SORCS2: variants seen among roughly 807,000 people sequenced by gnomAD.
SORCS2 encodes the protein sortilin related VPS10 domain containing receptor 2.
Under a neutral mutation model 141.6 loss-of-function variants are expected in SORCS2, and 100 were observed. The observed-to-expected ratio is 0.71, with a 90% CI of 0.60 to 0.83. The LOEUF (loss-of-function observed/expected upper bound fraction) is 0.83. SORCS2 is among the 40% of genes least tolerant of loss of function. SORCS2 has a pLI of 0.00. For synonymous variants in SORCS2, 789 were observed against 676.9 expected (o/e 1.17, Z -2.57); for missense variants, 1,646 against 1,560.2 (o/e 1.05, Z -0.93).
chr4:7,233,084 C>T lies in SORCS2; in HGVS notation c.480+39958C>T, dbSNP rs1267683006. Among the ~76,000 whole-genome samples, 11 of 152,150 alleles carry T rather than the reference C, an allele frequency of 7.2e-5. No individual in the cohort carries two copies. Among genetic ancestry groups the T allele is most frequent in the African/African-American group, 2.2e-4 (9 of 41,430 alleles). ...AGCCCAGGAGTCAGGCTTCGGCACC[C>T]GCATGTTCAACTACTGCCTTCCTGA... On this transcript the variant is annotated intron_variant, in intron 1 of 26. Coordinates refer to ENST00000507866, the MANE Select transcript of SORCS2 (RefSeq NM_020777.3). The surrounding 1 kb of genome is among the most constrained non-coding windows in gnomAD (Gnocchi z 4.5).
chr4:7,411,465 A>G (rs149145124), intron 2 of SORCS2, among the ~76,000 whole-genome samples: 6 of 149,894 alleles, frequency 4.0e-5, no homozygotes, highest in Non-Finnish European at 8.9e-5. Flanking sequence ...CCTTCCTTCC[A>G]TTCCTCTATC....
At position 7,334,995 on chromosome 4, in the gene SORCS2, C is replaced by T. The variant is rs543736769; in HGVS notation, c.481-61293C>T. 7.2e-5 allele frequency among the ~76,000 whole-genome samples: 11 copies of T among 152,218 alleles called. No homozygotes were observed. In the East Asian group the frequency reaches 1.7e-3, roughly 24 times the overall value. On this transcript the variant is annotated intron_variant, in intron 1 of 26. Coordinates refer to ENST00000507866, the MANE Select transcript of SORCS2 (RefSeq NM_020777.3). ...AGGGAAATAAAGCTAAAGGGATGGA[C>T]TGAGATGCAGTCGGCTGGGCCATGG...
chr4:7,247,970 A>C (rs1713225827), intron 1 of SORCS2, among the ~76,000 whole-genome samples: 1 of 152,236 alleles, frequency 6.6e-6, no homozygotes, highest in African/African-American at 2.4e-5. Context: ...CATGTATGAC[A>C]GGAAGAGTCC....
At chr4:7,410,122 G>T (rs998825753) in intron 2 of SORCS2, among the ~76,000 whole-genome samples, 4 of 152,242 alleles carry the variant, frequency 2.6e-5, no homozygotes, top group African/African-American at 9.6e-5. Context: ...AAAGCCTTCT[G>T]CAGAGTGTCT....
At chr4:7,329,528 A>C (rs1385554231) in intron 1 of SORCS2, among the ~76,000 whole-genome samples, 1 of 152,200 alleles carries the variant, frequency 6.6e-6, no homozygotes, top group Non-Finnish European at 1.5e-5. Flanking sequence ...CAGGTAGCTC[A>C]GTCTGGGGGA....
intron 2 of SORCS2, among the ~76,000 whole-genome samples, chr4:7,440,206 G>T (rs551909730): frequency 6.6e-6 from 1 of 152,188 alleles, no homozygotes; most frequent in Non-Finnish European, 1.5e-5. Context: ...ATTAGGGAGC[G>T]GGGGAGGAGG....
Position 7,661,363 on chromosome 4 carries a change from T to C in SORCS2, c.888-137T>C. The C allele has an allele frequency of 1.1e-5, 9 of 808,412 alleles. No homozygotes were observed. In the South Asian group the frequency reaches 1.4e-4, roughly 13 times the overall value. 50.1% of individuals were successfully genotyped at this position (808,412 alleles called of 1,614,324 possible). A position where few individuals can be genotyped will look rare whatever the true frequency, so the allele number is the denominator to read the frequency against. Reference sequence around the variant, plus strand: ...AGGAGCAGGTGGGGTCCTGGGGTGGTGATGCCCTCCGGACCCACAGAGCAA... The same window carrying C: ...AGGAGCAGGTGGGGTCCTGGGGTGGCGATGCCCTCCGGACCCACAGAGCAA... On this transcript the variant is annotated intron_variant, in intron 5 of 26. Transcript: ENST00000507866.
chr4:7,738,495 C>T (rs1362308583), intron 26 of SORCS2, among the ~76,000 whole-genome samples: 1 of 152,204 alleles, frequency 6.6e-6, no homozygotes, highest in East Asian at 1.9e-4. Context: ...TTCCTGTTCT[C>T]TCTTAATCCC....
At chr4:7,689,108 T>C (rs1261312362) in intron 10 of SORCS2, among the ~76,000 whole-genome samples, 1 of 152,134 alleles carries the variant, frequency 6.6e-6, no homozygotes, top group African/African-American at 2.4e-5. Flanking sequence ...ACTTGGGCTC[T>C]TGACCGATGC....
chr4:7,480,778 G>A (rs192736384), intron 2 of SORCS2, among the ~76,000 whole-genome samples: 41 of 152,358 alleles, frequency 2.7e-4, no homozygotes, highest in African/African-American at 7.9e-4. Context: ...TCCCCAGCTC[G>A]CCAGGGCCGC....
rs150891735 is a variant in SORCS2 at position 7,739,280 on chromosome 4, C to A, written c.3416-920C>A. On this transcript the variant is annotated intron_variant, in intron 26 of 26. Coordinates refer to ENST00000507866, the MANE Select transcript of SORCS2 (RefSeq NM_020777.3). ...TAAAGACCCCTCCACTGGTCTTGCT[C>A]CTGCTGGGGCAGGAGGTGGTTTTGG... Among the ~76,000 whole-genome samples, 5 of 152,222 alleles carry A rather than the reference C, an allele frequency of 3.3e-5. No homozygotes were observed. In the South Asian group the frequency reaches 1.0e-3, roughly 32 times the overall value.
chr4:7,385,486 T>C (rs1053521181), intron 1 of SORCS2, among the ~76,000 whole-genome samples: 16 of 152,206 alleles, frequency 1.1e-4, no homozygotes, highest in African/African-American at 3.9e-4. Flanking sequence ...TCCGAGCCTG[T>C]TGTCCTAGCT....
Position 7,202,519 on chromosome 4 carries a change from A to T in SORCS2, c.480+9393A>T, listed in dbSNP as rs1489300848. 7.2e-5 allele frequency among the ~76,000 whole-genome samples: 11 copies of T among 152,018 alleles called. No homozygotes were observed. In the South Asian group the frequency reaches 1.7e-3, roughly 23 times the overall value. ...AGCTCGAAGATCTTAAAATAACAGCACTCTCCTTCCTTAGTAATTTTCTTG... is the reference window on the plus strand; with the variant it reads ...AGCTCGAAGATCTTAAAATAACAGCTCTCTCCTTCCTTAGTAATTTTCTTG... On this transcript the variant is annotated intron_variant, in intron 1 of 26. Coordinates refer to ENST00000507866, the MANE Select transcript of SORCS2 (RefSeq NM_020777.3).
intron 3 of SORCS2, among the ~76,000 whole-genome samples, chr4:7,589,623 G>A (rs1057196265): frequency 1.3e-5 from 2 of 152,086 alleles, no homozygotes; most frequent in African/African-American, 2.4e-5. Context: ...GGCTTGTCTC[G>A]AACTCCTGAC....
chr4:7,405,936 C>A (rs1724940328), intron 2 of SORCS2, among the ~76,000 whole-genome samples: 1 of 152,196 alleles, frequency 6.6e-6, no homozygotes, highest in East Asian at 1.9e-4. Context: ...GGAAATACTT[C>A]CAACTTTTCT....
intron 26 of SORCS2, among the ~76,000 whole-genome samples, chr4:7,738,915 G>A (rs149498159): frequency 0.013 from 1,937 of 152,142 alleles, 24 homozygotes; most frequent in Middle Eastern, 0.027. Flanking sequence ...CCCCACCCCC[G>A]GTGGGGGTCC....
At chr4:7,689,178 C>A (rs1002007461) in intron 10 of SORCS2, among the ~76,000 whole-genome samples, 4 of 152,102 alleles carry the variant, frequency 2.6e-5, no homozygotes, top group East Asian at 1.9e-4. Context: ...GGCACCACAC[C>A]CAGGGGCTGT....
chr4:7,607,496 G>A (rs923826308), intron 3 of SORCS2, among the ~76,000 whole-genome samples: 1 of 152,090 alleles, frequency 6.6e-6, no homozygotes, highest in African/African-American at 2.4e-5. Context: ...GTCATTGAGC[G>A]CTTCTTGGGC....
At chr4:7,540,217 TCTGCCTCTCCCTGCCC>T (rs1419558993) in intron 3 of SORCS2, among the ~76,000 whole-genome samples, 4 of 104,340 alleles carry the variant, frequency 3.8e-5, no homozygotes, top group Non-Finnish European at 7.7e-5. Context: ...TGCCCCTGCC[TCTGCCTCTCCCTGCCC>T]CTGCCTCTCC....
Sources: allele counts gnomAD v4.1 joint callset (sites outside exome capture counted in the v4.1 genomes callset), GRCh38; gene constraint gnomAD v4.1.1; non-coding constraint Gnocchi (gnomAD v3.1); transcripts MANE v1.5; gene names NCBI Gene and HGNC (gene_info 2026-07-23, HGNC 2026-07-21).